The following ELP3 variants were observed in gnomAD, a reference collection of about 807,000 sequenced individuals.
ELP3 encodes the protein elongator complex protein 3.
In ELP3, 56 loss-of-function variants were observed where a neutral mutation model predicts 74.9. The observed-to-expected ratio is 0.75, with a 90% CI of 0.60 to 0.93. ELP3 has a LOEUF of 0.93. Among genes scored for constraint, ELP3 ranks in the 40% least tolerant of loss-of-function variants. The pLI, the probability that ELP3 is intolerant of heterozygous loss-of-function variation, is 0.00. For missense variants in ELP3, 573 were observed against 686.5 expected (o/e 0.83, Z 1.85); for synonymous variants, 222 against 239.8 (o/e 0.93, Z 0.68).
intron 1 of ELP3, 104 bp downstream of exon 1, chr8:28,093,337 A>G (rs1811119740): frequency 2.7e-6 from 4 of 1,490,544 alleles, no homozygotes; most frequent in Admixed American, 4.1e-5. Context: ...TCCGCTACCC[A>G]GTCCAGTCGC....
At chr8:28,143,296 CAACA>C (rs1229232755) in intron 10 of ELP3, among the ~76,000 whole-genome samples, 3 of 152,134 alleles carry the variant, frequency 2.0e-5, no homozygotes, top group African/African-American at 7.2e-5. Flanking sequence ...TACTCCCCCC[CAACA>C]GTCTGTAGAA....
rs138758644 is a variant in ELP3 at position 28,129,649 on chromosome 8, T to C, written c.765T>C (p.Ala255=). ...TGCAGAGTGTTTATGAAGATGTGGC[T>C]AGAGACACCAACAGGTAAGATGGTG... ...IGVQSVYEDV[A]RDTNRGHTVK... Residue 255 remains alanine, a synonymous_variant, in exon 8 of 15, where the codon GCT becomes GCC. Coordinates refer to ENST00000256398, the MANE Select transcript of ELP3 (RefSeq NM_018091.6). 1.9e-6 allele frequency: 3 copies of C among 1,614,044 alleles called. No homozygotes were observed. The highest frequency in any genetic ancestry group is 2.2e-5 in the East Asian group (1 of 44,902).
intron 9 of ELP3, 33 bp downstream of exon 9, chr8:28,132,437 T>C (rs945328548): frequency 6.2e-7 from 1 of 1,613,518 alleles, no homozygotes; most frequent in East Asian, 2.2e-5. Flanking sequence ...GCATTCAGAA[T>C]GGCTCTGCAT....
intron 1 of ELP3, among the ~76,000 whole-genome samples, chr8:28,096,130 T>C (rs1343193317): frequency 1.3e-5 from 2 of 152,190 alleles, no homozygotes; most frequent in Non-Finnish European, 2.9e-5. Context: ...GTGCTCCTTA[T>C]GAGAATCTAA....
chr8:28,119,482 C>T (rs896167254), intron 7 of ELP3, among the ~76,000 whole-genome samples: 1 of 149,912 alleles, frequency 6.7e-6, no homozygotes. Context: ...CGGGATACTT[C>T]ATCATGCATA....
chr8:28,133,428 C>CT (rs34048650), intron 9 of ELP3, among the ~76,000 whole-genome samples: 71,976 of 135,224 alleles, frequency 0.53, 19,853 homozygotes, highest in East Asian at 0.91. Context: ...CTTTTTTTTC[C>CT]TTTTTTTTTT....
chr8:28,094,812 T>C (rs1352677835), intron 1 of ELP3, among the ~76,000 whole-genome samples: 2 of 152,246 alleles, frequency 1.3e-5, no homozygotes, highest in Non-Finnish European at 2.9e-5. Context: ...GCATTGGGAC[T>C]GGATCCTGTC....
At chr8:28,156,645 G>A (rs1477764718) in intron 11 of ELP3, among the ~76,000 whole-genome samples, 1 of 152,154 alleles carries the variant, frequency 6.6e-6, no homozygotes, top group African/African-American at 2.4e-5. Flanking sequence ...CAGGAGTGGT[G>A]TTGAGACCAA....
chr8:28,144,493 G>A (rs1813357666), intron 10 of ELP3, among the ~76,000 whole-genome samples: 1 of 152,090 alleles, frequency 6.6e-6, no homozygotes, highest in Non-Finnish European at 1.5e-5. Flanking sequence ...GGTGGCACAT[G>A]CCTGTAGTCC....
At chr8:28,116,341 G>A (rs903347760) in intron 7 of ELP3, among the ~76,000 whole-genome samples, 1 of 152,236 alleles carries the variant, frequency 6.6e-6, no homozygotes, top group African/African-American at 2.4e-5. Flanking sequence ...TGCAACAGGT[G>A]AATTCTGTGT....
intron 7 of ELP3, among the ~76,000 whole-genome samples, chr8:28,119,693 G>A (rs1812290135): frequency 6.8e-6 from 1 of 146,180 alleles, no homozygotes; most frequent in African/African-American, 2.5e-5. Flanking sequence ...GTGCTACAAA[G>A]TCCTATTAAG....
chr8:28,126,836 G>C (rs1411995476), intron 7 of ELP3, among the ~76,000 whole-genome samples: 1 of 152,200 alleles, frequency 6.6e-6, no homozygotes, highest in Non-Finnish European at 1.5e-5. Flanking sequence ...ATCAGATTTG[G>C]TGAGATGTAG....
At chr8:28,090,468 T>C, upstream of ELP3, 1 of 285,510 alleles carries the variant, frequency 3.5e-6, no homozygotes, top group Non-Finnish European at 6.7e-6. Flanking sequence ...AAATCCTCCA[T>C]AGTCTGATGG....
chr8:28,097,134 CG>C (rs1449033319), intron 1 of ELP3, 84 bp from the exon 2 acceptor site: 1 of 845,940 alleles, frequency 1.2e-6, no homozygotes, highest in Non-Finnish European at 1.9e-6. Context: ...TGTATGGTTT[CG>C]GATGGAAAAC....
rs1363676441 is a variant in ELP3, at chr8:28,132,259, A to G, written c.780-19A>G. 6.2e-7 allele frequency: 1 copy of G among 1,613,512 alleles called. No homozygotes were observed. The highest frequency in any genetic ancestry group is 8.5e-7 in the Non-Finnish European group (1 of 1,179,654). On this transcript the variant is annotated intron_variant, in intron 8 of 14. Transcript: ENST00000256398. The stretch of plus-strand genomic sequence containing the variant: ...CAAATAGGTAGTGATTTTCACAGGT[A>G]GTGATTTTCTTTCCTTAGGGGCCAC...
At position 28,137,881 on chromosome 8, in the gene ELP3, C is replaced by T. The variant is rs979470376; in HGVS notation, c.1090C>T (p.Arg364Ter). The T allele has an allele frequency of 5.6e-6, 9 of 1,606,392 alleles. No homozygotes were observed. The highest frequency in any genetic ancestry group is 2.2e-5 in the East Asian group (1 of 44,796). ...CGTGCCTCCATGGACTCGAGTGTACCGAGTACAGAGGTAGTGTGTTATCTT... is the reference window on the plus strand; with the variant it reads ...CGTGCCTCCATGGACTCGAGTGTACTGAGTACAGAGGTAGTGTGTTATCTT... ...ALVPPWTRVY[R>*]VQRDIPMPLV... Residue 364 changes from arginine to a stop codon, truncating the protein, a stop_gained, in exon 10 of 15, where the codon CGA becomes TGA. Transcript: ENST00000256398. LOFTEE classifies it high-confidence loss of function.
intron 12 of ELP3, among the ~76,000 whole-genome samples, chr8:28,160,001 G>A (rs942956156): frequency 2.6e-5 from 4 of 152,222 alleles, no homozygotes; most frequent in African/African-American, 9.6e-5. Flanking sequence ...TGAAGTTCAA[G>A]TATTTGTGAA....
At chr8:28,185,867 G>A (rs1419404685) in intron 14 of ELP3, among the ~76,000 whole-genome samples, 1 of 152,214 alleles carries the variant, frequency 6.6e-6, no homozygotes, top group African/African-American at 2.4e-5. Context: ...CATCATTAGT[G>A]ATTCTAAGCA....
At chr8:28,125,684 A>G (rs1028979954) in intron 7 of ELP3, among the ~76,000 whole-genome samples, 1 of 151,898 alleles carries the variant, frequency 6.6e-6, no homozygotes, top group East Asian at 1.9e-4. Context: ...AGAAATAGAA[A>G]CATGCTTCCC....
Sources: allele counts gnomAD v4.1 joint callset (sites outside exome capture counted in the v4.1 genomes callset), GRCh38; gene constraint gnomAD v4.1.1; transcripts MANE v1.5; gene names NCBI Gene and HGNC (gene_info 2026-07-23, HGNC 2026-07-21).